The following IGSF10 variants were observed in gnomAD, a reference collection of about 807,000 sequenced individuals.
IGSF10 encodes the protein calvaria mechanical force protein 608.
Under a neutral mutation model 128.2 loss-of-function variants are expected in IGSF10, and 126 were observed. That is an observed-to-expected ratio of 0.98 (90% CI 0.85 to 1.14). IGSF10 has a LOEUF of 1.14. Among genes scored for constraint, IGSF10 ranks in the 50% most tolerant of loss-of-function variants. The pLI, the probability that IGSF10 is intolerant of heterozygous loss-of-function variation, is 0.00. For synonymous variants in IGSF10, 1,185 were observed against 1,146.2 expected (o/e 1.03, Z -0.68); for missense variants, 3,295 against 3,149.8 (o/e 1.05, Z -1.10).
the IGSF10 span, among the ~76,000 whole-genome samples, chr3:151,599,166 A>T: frequency 2.6e-5 from 4 of 151,412 alleles, no homozygotes; most frequent in African/African-American, 9.7e-5. Flanking sequence ...GCTCCAGGAA[A>T]GGGCAGCAGC....
rs762235434 is a variant in IGSF10, at chr3:151,453,503, G to T, written c.596C>A (p.Ser199Tyr). The T allele has an allele frequency of 6.2e-7, 1 of 1,614,032 alleles. No homozygotes were observed. The highest frequency in any genetic ancestry group is 1.7e-5 in the Admixed American group (1 of 60,022). Residue 199 changes from serine (S) to tyrosine (Y), a missense_variant, in exon 5 of 8, where the codon TCC becomes TAC. Coordinates refer to ENST00000282466, the MANE Select transcript of IGSF10 (RefSeq NM_178822.5). ...ATAGGAGACCATCTCTTGAGGGAGG[G>T]AGGTCAGGAAGTTATCAGACAAGTA... ...FLYLSDNFLT[S>Y]LPQEMVSYMP...
the IGSF10 span, among the ~76,000 whole-genome samples, chr3:151,525,265 T>C: frequency 1.5e-4 from 23 of 152,092 alleles, no homozygotes; most frequent in African/African-American, 5.6e-4. Flanking sequence ...TCGAGTAGTT[T>C]ACGGAAGTAC....
chr3:151,438,347 A>C lies in IGSF10; in HGVS notation c.6214T>G (p.Trp2072Gly), dbSNP rs1720568962. 1 of 1,614,016 alleles carries C rather than the reference A, an allele frequency of 6.2e-7. No homozygotes were observed. Among genetic ancestry groups the C allele is most frequent in the Admixed American group, 1.7e-5 (1 of 60,004 alleles). Residue 2072 changes from tryptophan (W) to glycine (G), a missense_variant, in exon 8 of 8, where the codon TGG becomes GGG. Coordinates refer to ENST00000282466, the MANE Select transcript of IGSF10 (RefSeq NM_178822.5). ...ASGSPVPEIS[W>G]SLPDGTMINN... is the part of the protein sequence containing the mutation. Reference sequence around the variant, plus strand: ...ATCATGGTTCCATCAGGCAAACTCCAAGATATCTCTGGCACTGGGGAGCCG... The same window carrying C: ...ATCATGGTTCCATCAGGCAAACTCCCAGATATCTCTGGCACTGGGGAGCCG...
chr3:151,533,496 G>A, the IGSF10 span, among the ~76,000 whole-genome samples: 1,449 of 152,042 alleles, frequency 9.5e-3, 11 homozygotes, highest in South Asian at 0.034. Flanking sequence ...CAGAAATAAC[G>A]CCACACATCT....
the IGSF10 span, among the ~76,000 whole-genome samples, chr3:151,612,833 CA>C: frequency 6.6e-6 from 1 of 152,058 alleles, no homozygotes. Context: ...CACACTCTGC[CA>C]ACAAGCATAT....
chr3:151,489,712 A>G, the IGSF10 span, among the ~76,000 whole-genome samples: 1 of 152,174 alleles, frequency 6.6e-6, no homozygotes, highest in Non-Finnish European at 1.5e-5. Context: ...TCAGGAAACT[A>G]ACAGAAGAAC....
rs759474959 is a variant in IGSF10, at chr3:151,458,465, C to T, written c.194+51G>A. ...TCATAGATGTTTGAGGGACAAGTCA[C>T]TGCTGCGACTGATCCCTCTTTGAGA... On this transcript the variant is annotated intron_variant, in intron 3 of 7. Transcript: ENST00000282466. The T allele has an allele frequency of 5.1e-6, 7 of 1,384,264 alleles. No individual in the cohort carries two copies. In the African/African-American group the frequency reaches 8.6e-5, roughly 17 times the overall value. 85.7% of individuals were successfully genotyped at this position (1,384,264 alleles called of 1,614,324 possible).
At chr3:151,504,966 T>C in the IGSF10 span, among the ~76,000 whole-genome samples, 2 of 152,216 alleles carry the variant, frequency 1.3e-5, no homozygotes, top group Non-Finnish European at 2.9e-5. Context: ...TCAACAGGTC[T>C]CTAGGAAGTT....
chr3:151,580,086 T>C, the IGSF10 span, among the ~76,000 whole-genome samples: 2 of 152,068 alleles, frequency 1.3e-5, no homozygotes, highest in Non-Finnish European at 2.9e-5. Flanking sequence ...CTCACACCCT[T>C]AATCGCAGCA....
chr3:151,514,778 AC>A, the IGSF10 span, among the ~76,000 whole-genome samples: 4 of 152,152 alleles, frequency 2.6e-5, no homozygotes, highest in Non-Finnish European at 2.9e-5. Context: ...CAAGAAAAAA[AC>A]AAACAACCCC....
chr3:151,566,932 C>T, the IGSF10 span, among the ~76,000 whole-genome samples: 1,990 of 152,328 alleles, frequency 0.013, 15 homozygotes, highest in South Asian at 0.057. Context: ...AGATGAGTCT[C>T]TCTGTTCAAG....
chr3:151,534,072 G>A, the IGSF10 span, among the ~76,000 whole-genome samples: 1 of 152,142 alleles, frequency 6.6e-6, no homozygotes, highest in African/African-American at 2.4e-5. Context: ...ATCATCACTG[G>A]TCATTAGAGA....
At position 151,458,609 on chromosome 3, in the gene IGSF10, GC is replaced by G; in HGVS notation, c.100del (p.Ala34ProfsTer15). 6.2e-7 allele frequency: 1 copy of G among 1,614,140 alleles called. No homozygotes were observed. The highest frequency in any genetic ancestry group is 8.5e-7 in the Non-Finnish European group (1 of 1,180,014). Reference sequence around the variant, plus strand: ...GTGTACCTCCGTAGGCATATAACAGGCACAGCGGCGAGGACAGGCCTTGCCC... The same window carrying G: ...GTGTACCTCCGTAGGCATATAACAGGACAGCGGCGAGGACAGGCCTTGCCC... ...PGGKACPRRC[A>X]CYMPTEVHCT... On this transcript the variant is annotated frameshift_variant, in exon 3 of 8. Coordinates refer to ENST00000282466, the MANE Select transcript of IGSF10 (RefSeq NM_178822.5). LOFTEE classifies it high-confidence loss of function.
At position 151,449,060 on chromosome 3, in the gene IGSF10, T is replaced by G; in HGVS notation, c.921A>C (p.Gln307His). 1 of 1,614,202 alleles carries G rather than the reference T, an allele frequency of 6.2e-7. No homozygotes were observed. The highest frequency in any genetic ancestry group is 8.5e-7 in the Non-Finnish European group (1 of 1,180,032). Residue 307 changes from glutamine to histidine, a missense_variant, in exon 6 of 8, where the codon CAA (glutamine) becomes CAC (histidine). Gln to His is a conservative substitution (Grantham distance 24). Coordinates refer to ENST00000282466, the MANE Select transcript of IGSF10 (RefSeq NM_178822.5). ...GGGAGCCAAAGGGTGCCATGAAACC[T>G]TGGGGAGAGATGAAAGCAGAACTAC... ...EDSSSAFISP[Q>H]GFMAPFGSLT... is the part of the protein sequence containing the mutation.
At chr3:151,597,683 G>A in the IGSF10 span, among the ~76,000 whole-genome samples, 4 of 152,170 alleles carry the variant, frequency 2.6e-5, no homozygotes, top group Non-Finnish European at 4.4e-5. Context: ...TTGGGAGGCT[G>A]AGGCGGGTGG....
chr3:151,447,639 G>A lies in IGSF10; in HGVS notation c.2342C>T (p.Pro781Leu). ...KRENTTVSPPPVVTQLPNIPG... is the reference protein window; with the variant it reads ...KRENTTVSPPLVVTQLPNIPG... Reference sequence around the variant, plus strand: ...TATGTTTGGGAGTTGGGTGACCACTGGGGGTGGGCTCACTGTGGTATTTTC... The same window carrying A: ...TATGTTTGGGAGTTGGGTGACCACTAGGGGTGGGCTCACTGTGGTATTTTC... Residue 781 changes from proline to leucine, a missense_variant, in exon 6 of 8, where the codon CCA (proline) becomes CTA (leucine). Transcript: ENST00000282466. 1.2e-6 allele frequency: 2 copies of A among 1,614,164 alleles called. No individual in the cohort carries two copies. The highest frequency in any genetic ancestry group is 1.7e-6 in the Non-Finnish European group (2 of 1,180,012).
the IGSF10 span, among the ~76,000 whole-genome samples, chr3:151,532,625 C>G: frequency 1.3e-5 from 2 of 152,162 alleles, no homozygotes; most frequent in Non-Finnish European, 2.9e-5. Flanking sequence ...CAACACTCAA[C>G]AGCGCTTCAT....
the IGSF10 span, among the ~76,000 whole-genome samples, chr3:151,547,496 C>T: frequency 6.6e-6 from 1 of 151,698 alleles, no homozygotes; most frequent in African/African-American, 2.4e-5. Context: ...TTGTCTAGGT[C>T]TTCTCTCAGT....
the IGSF10 span, among the ~76,000 whole-genome samples, chr3:151,499,979 A>C: frequency 6.6e-6 from 1 of 152,194 alleles, no homozygotes; most frequent in Admixed American, 6.6e-5. Flanking sequence ...ATTGTAGTGT[A>C]AACAAGATAC....
Sources: gnomAD v4.1 joint callset for allele counts (sites outside exome capture counted in the v4.1 genomes callset) on GRCh38, gnomAD v4.1.1 for gene constraint, MANE v1.5 for transcripts, NCBI Gene and HGNC (gene_info 2026-07-23, HGNC 2026-07-21) for gene names.